The following BARD1 variants were observed in gnomAD, a reference collection of about 807,000 sequenced individuals.
The protein encoded by BARD1 is BRCA1-associated RING domain protein 1.
In BARD1, 73 loss-of-function variants were observed where a neutral mutation model predicts 77.0. The observed-to-expected ratio is 0.95, with a 90% confidence interval of 0.79 to 1.15. BARD1 has a LOEUF of 1.15. Among genes scored for constraint, BARD1 ranks in the 50% most tolerant of loss-of-function variants. The pLI, the probability that BARD1 is intolerant of heterozygous loss-of-function variation, is 0.00. For synonymous variants in BARD1, 384 were observed against 338.0 expected (o/e 1.14, Z -1.49); for missense variants, 993 against 938.8 (o/e 1.06, Z -0.75).
chr2:214,755,228 T>A (rs1349760521), intron 6 of BARD1, among the ~76,000 whole-genome samples: 1 of 152,182 alleles, frequency 6.6e-6, no homozygotes, highest in Admixed American at 6.5e-5. Flanking sequence ...GATAAATACA[T>A]TATTCTTCAT....
chr2:214,749,767 A>G (rs1282209671), intron 7 of BARD1, among the ~76,000 whole-genome samples: 1 of 133,654 alleles, frequency 7.5e-6, no homozygotes, highest in Non-Finnish European at 1.6e-5. Flanking sequence ...GTCCATTAAT[A>G]AAGAAAAAAA....
chr2:214,794,584 A>G (rs1485743423), intron 2 of BARD1, among the ~76,000 whole-genome samples: 2 of 62,580 alleles, frequency 3.2e-5, no homozygotes, highest in African/African-American at 1.0e-4. Flanking sequence ...TTTTTAAATT[A>G]ATTTTTTTAA....
In BARD1 at chr2:214,767,607, G is replaced by A. The variant is rs1286691671; in HGVS notation, c.1443C>T (p.Leu481=). The part of the protein sequence containing the change: ...HGHLKVVELL[L]QHKALVNTTG... ...TGGTGTTCACCAATGCCTTATGCTG[G>A]AGCAATAATTCCACTACCTTCAGGT... Residue 481 remains leucine, a synonymous_variant, in exon 6 of 11, where the codon CTC becomes CTT. Coordinates refer to ENST00000260947, the MANE Select transcript of BARD1 (RefSeq NM_000465.4). 2 of 1,613,866 alleles carry A rather than the reference G, an allele frequency of 1.2e-6. No individual in the cohort carries two copies. The highest frequency in any genetic ancestry group is 2.7e-5 in the African/African-American group (2 of 74,894).
At chr2:214,774,055 A>G (rs1295872260) in intron 4 of BARD1, among the ~76,000 whole-genome samples, 2 of 152,150 alleles carry the variant, frequency 1.3e-5, no homozygotes, top group Non-Finnish European at 2.9e-5. Flanking sequence ...ATAACAAACA[A>G]CGCCTCATCC....
At chr2:214,802,954 G>C (rs1402061592) in intron 1 of BARD1, among the ~76,000 whole-genome samples, 1 of 152,168 alleles carries the variant, frequency 6.6e-6, no homozygotes, top group African/African-American at 2.4e-5. Context: ...GTAGACATAG[G>C]AGACTCCATT....
intron 3 of BARD1, among the ~76,000 whole-genome samples, chr2:214,782,024 T>C (rs186490136): frequency 6.6e-6 from 1 of 152,090 alleles, no homozygotes; most frequent in Non-Finnish European, 1.5e-5. Context: ...AAGGTACAAT[T>C]TGAAAGGCAA....
intron 1 of BARD1, among the ~76,000 whole-genome samples, chr2:214,805,469 T>C (rs1483023341): frequency 6.6e-6 from 1 of 152,146 alleles, no homozygotes; most frequent in Non-Finnish European, 1.5e-5. Context: ...CATTCAAAAC[T>C]CATGAAGAAA....
Position 214,727,403 on chromosome 2 carries a change from T to C in BARD1, c.*1273A>G, listed in dbSNP as rs1692127616. On this transcript the variant is annotated 3_prime_UTR_variant, in exon 11 of 11. Transcript: ENST00000260947. Reference sequence around the variant, plus strand: ...GTTCATGAGGAACCAAACTGGCAAGTCTCTCAGTGTCTCCTTCCCCAAGTC... The same window carrying C: ...GTTCATGAGGAACCAAACTGGCAAGCCTCTCAGTGTCTCCTTCCCCAAGTC... 4.3e-6 allele frequency: 1 copy of C among 232,030 alleles called. No individual in the cohort carries two copies. Among genetic ancestry groups the C allele is most frequent in the African/African-American group, 2.2e-5 (1 of 45,294 alleles). The allele number at this position is 232,030 out of a possible 1,614,324, so 14.4% of individuals were successfully genotyped here. A position where few individuals can be genotyped will look rare whatever the true frequency, so the allele number is the denominator to read the frequency against.
At chr2:214,760,237 G>T (rs1478089740) in intron 6 of BARD1, among the ~76,000 whole-genome samples, 2 of 152,292 alleles carry the variant, frequency 1.3e-5, no homozygotes, top group South Asian at 2.1e-4. Context: ...CTGTCCCCCA[G>T]GTTGGAGGGT....
intron 3 of BARD1, among the ~76,000 whole-genome samples, chr2:214,781,772 A>C (rs1287412444): frequency 3.3e-5 from 5 of 152,142 alleles, no homozygotes; most frequent in Non-Finnish European, 7.4e-5. Context: ...TATAGTACCC[A>C]AAAAAACCCA....
In BARD1 at chr2:214,777,964, C is replaced by T. The variant is rs372547709; in HGVS notation, c.1314+2596G>A. Among the ~76,000 whole-genome samples, 19 of 152,174 alleles carry T rather than the reference C, an allele frequency of 1.2e-4. 1 individual carries two copies. The East Asian group carries it at 3.3e-3, about 26-fold the overall frequency. On this transcript the variant is annotated intron_variant, in intron 4 of 10. Coordinates refer to ENST00000260947, the MANE Select transcript of BARD1 (RefSeq NM_000465.4). ...CTGTAATCCCAAGACTTTGGGAGGCCGAGGACATATCACCTGAGGTGAGGA... is the reference window on the plus strand; with the variant it reads ...CTGTAATCCCAAGACTTTGGGAGGCTGAGGACATATCACCTGAGGTGAGGA...
intron 9 of BARD1, among the ~76,000 whole-genome samples, chr2:214,742,832 C>T (rs1192485415): frequency 6.6e-6 from 1 of 152,172 alleles, no homozygotes; most frequent in Non-Finnish European, 1.5e-5. Flanking sequence ...TTTCGTATGG[C>T]TTCTTTATTA....
chr2:214,772,135 T>A (rs1043440572), intron 4 of BARD1, among the ~76,000 whole-genome samples: 2 of 151,964 alleles, frequency 1.3e-5, no homozygotes, highest in Non-Finnish European at 2.9e-5. Flanking sequence ...CCAGCTAATT[T>A]TTTTTATTGT....
chr2:214,790,593 C>A (rs569530649), intron 3 of BARD1, among the ~76,000 whole-genome samples: 1 of 152,294 alleles, frequency 6.6e-6, no homozygotes, highest in East Asian at 1.9e-4. Context: ...CAATAAATAT[C>A]TGTTGTTTAA....
Position 214,790,415 on chromosome 2 carries a change from A to G in BARD1, c.364+1882T>C, listed in dbSNP as rs564064787. 9.9e-5 allele frequency among the ~76,000 whole-genome samples: 15 copies of G among 152,186 alleles called. No homozygotes were observed. The East Asian group carries it at 1.7e-3, about 18-fold the overall frequency. ...AACGCAATATGACTCCTGTCCTTTA[A>G]AAAGGGGGAGATTTGACACAAACAA... On this transcript the variant is annotated intron_variant, in intron 3 of 10. Transcript: ENST00000260947.
chr2:214,785,269 T>C (rs529015211), intron 3 of BARD1, among the ~76,000 whole-genome samples: 3 of 152,190 alleles, frequency 2.0e-5, no homozygotes, highest in South Asian at 2.1e-4. Flanking sequence ...TTTTTCTTCA[T>C]TGACAAATCA....
In BARD1 at chr2:214,789,164, C is replaced by G. The variant is rs185918260; in HGVS notation, c.364+3133G>C. Among the ~76,000 whole-genome samples the G allele has an allele frequency of 3.9e-3, 599 of 152,134 alleles. 3 individuals carry two copies. Among genetic ancestry groups the G allele is most frequent in the African/African-American group, 0.013 (558 of 41,508 alleles). On this transcript the variant is annotated intron_variant, in intron 3 of 10. Transcript: ENST00000260947. ...TACCATTATAATTTTTTAAGAAGGT[C>G]TATGAATGCATAGATGTTATCATTA... is the stretch of plus-strand genomic sequence containing the variant.
chr2:214,730,049 G>A (rs561996667), intron 10 of BARD1, among the ~76,000 whole-genome samples: 2 of 152,186 alleles, frequency 1.3e-5, no homozygotes, highest in African/African-American at 4.8e-5. Context: ...ATATCAACAG[G>A]ATAATGCGAT....
chr2:214,731,039 T>C, intron 9 of BARD1: 1 of 370,622 alleles, frequency 2.7e-6, no homozygotes, highest in East Asian at 7.6e-5. Context: ...TCAACAGCGC[T>C]TCCTAAAATA....
Sources: allele counts gnomAD v4.1 joint callset (sites outside exome capture counted in the v4.1 genomes callset), GRCh38; gene constraint gnomAD v4.1.1; transcripts MANE v1.5; gene names NCBI Gene and HGNC (gene_info 2026-07-23, HGNC 2026-07-21).